CCSER1: variants seen among roughly 807,000 people sequenced by gnomAD.
CCSER1 encodes serine-rich coiled-coil domain-containing protein 1.
Under a neutral mutation model 82.0 loss-of-function variants are expected in CCSER1, and 41 were observed. That is an observed-to-expected ratio of 0.50 (90% CI 0.39 to 0.65). The LOEUF is 0.65. Ranked by LOEUF, CCSER1 falls within the 30% of genes least tolerant of loss-of-function variation. The pLI is 0.00. For synonymous variants in CCSER1, 414 were observed against 383.9 expected (o/e 1.08, Z -0.92); for missense variants, 1,119 against 1,064.2 (o/e 1.05, Z -0.72).
At chr4:90,748,770 C>T in intron 7 of CCSER1, among the ~76,000 whole-genome samples, 1 of 150,146 alleles carries the variant, frequency 6.7e-6, no homozygotes, top group African/African-American at 2.5e-5. Flanking sequence ...TTTTGATGTG[C>T]ATTTCTCTGA....
chr4:90,213,078 G>A (rs1740336320), intron 1 of CCSER1, among the ~76,000 whole-genome samples: 1 of 152,170 alleles, frequency 6.6e-6, no homozygotes, highest in Admixed American at 6.5e-5. Context: ...ATAAGGAAGA[G>A]CAACATGATC....
At chr4:90,362,023 G>A (rs62312907) in intron 3 of CCSER1, among the ~76,000 whole-genome samples, 1 of 152,006 alleles carries the variant, frequency 6.6e-6, no homozygotes, top group Non-Finnish European at 1.5e-5. Flanking sequence ...TACTTTCTAC[G>A]TTAAAAGATT....
At chr4:91,105,639 A>AG (rs1725539142) in intron 10 of CCSER1, among the ~76,000 whole-genome samples, 1 of 151,818 alleles carries the variant, frequency 6.6e-6, no homozygotes, top group African/African-American at 2.4e-5. Context: ...GGGAGGAGGA[A>AG]GTTGCAGTGA....
chr4:91,095,126 GC>G (rs910183019), intron 10 of CCSER1, among the ~76,000 whole-genome samples: 1 of 152,050 alleles, frequency 6.6e-6, no homozygotes, highest in Non-Finnish European at 1.5e-5. Flanking sequence ...TAATGTCCTT[GC>G]CCCCTATTGT....
Position 90,365,220 on chromosome 4 carries a change from A to C in CCSER1, c.1510-34816A>C, listed in dbSNP as rs140938576. On this transcript the variant is annotated intron_variant, in intron 3 of 10. Transcript: ENST00000509176. Reference sequence around the variant, plus strand: ...AGTCTCAGTTGTGTTTAATGTGAAAAATTTAAAGCATAATACATAAGGTTA... The same window carrying C: ...AGTCTCAGTTGTGTTTAATGTGAAACATTTAAAGCATAATACATAAGGTTA... Among the ~76,000 whole-genome samples, 301 of 152,036 alleles carry C rather than the reference A, an allele frequency of 2.0e-3. 1 individual carries two copies. The highest frequency in any genetic ancestry group is 6.8e-3 in the Middle Eastern group (2 of 294).
At chr4:91,002,663 T>C (rs1410521026) in intron 9 of CCSER1, among the ~76,000 whole-genome samples, 1 of 152,216 alleles carries the variant, frequency 6.6e-6, no homozygotes, top group East Asian at 1.9e-4. Context: ...TGTATCTTTT[T>C]TAAAATTTTC....
intron 7 of CCSER1, among the ~76,000 whole-genome samples, chr4:90,745,378 T>C (rs1181937672): frequency 2.6e-5 from 4 of 152,356 alleles, no homozygotes; most frequent in African/African-American, 9.6e-5. Context: ...AGGAAAATTC[T>C]ATTACAAGGT....
intron 10 of CCSER1, among the ~76,000 whole-genome samples, chr4:91,293,747 A>C (rs1743936559): frequency 6.6e-6 from 1 of 152,010 alleles, no homozygotes; most frequent in African/African-American, 2.4e-5. Flanking sequence ...ATTATAAACC[A>C]GAGAATGAGT....
At chr4:90,394,096 C>CT (rs112880001) in intron 3 of CCSER1, among the ~76,000 whole-genome samples, 172 of 133,682 alleles carry the variant, frequency 1.3e-3, no homozygotes, top group African/African-American at 1.6e-3. Flanking sequence ...TTACATCTTA[C>CT]TTTTTTTTTT....
chr4:90,483,471 T>C (rs1215523520), intron 5 of CCSER1, among the ~76,000 whole-genome samples: 1 of 152,226 alleles, frequency 6.6e-6, no homozygotes, highest in Non-Finnish European at 1.5e-5. Context: ...CTAGCCTTGA[T>C]GGTCTTTACA....
intron 5 of CCSER1, among the ~76,000 whole-genome samples, chr4:90,514,288 G>A (rs2153619947): frequency 6.6e-6 from 1 of 152,182 alleles, no homozygotes; most frequent in African/African-American, 2.4e-5. Flanking sequence ...AGTGATTAAA[G>A]ATAAATTTTA....
intron 1 of CCSER1, among the ~76,000 whole-genome samples, chr4:90,257,556 G>GATTAGATAGATAC (rs1553973700): frequency 2.7e-5 from 3 of 109,836 alleles, no homozygotes; most frequent in African/African-American, 8.4e-5. Flanking sequence ...TAGATAGATA[G>GATTAGATAGATAC]ATAGATACAT....
At chr4:90,243,341 C>T (rs868205323) in intron 1 of CCSER1, among the ~76,000 whole-genome samples, 4 of 151,962 alleles carry the variant, frequency 2.6e-5, no homozygotes, top group South Asian at 2.1e-4. Context: ...CTCCGTCTCC[C>T]GGGTTCAAGC....
Position 91,131,519 on chromosome 4 carries a change from G to T in CCSER1, c.2217+45525G>T, listed in dbSNP as rs991870200. ...CAGTATATAATACCTTTGTGATCAG[G>T]AGACACATACTGCATTATTTAATTG... On this transcript the variant is annotated intron_variant, in intron 10 of 10. Coordinates refer to ENST00000509176, the MANE Select transcript of CCSER1 (RefSeq NM_001145065.2). Among the ~76,000 whole-genome samples the T allele has an allele frequency of 1.3e-4, 19 of 151,962 alleles. 1 individual carries two copies. The highest frequency in any genetic ancestry group is 5.3e-4 in the Admixed American group (8 of 15,216).
At chr4:91,171,256 ATG>A (rs1732721788) in intron 10 of CCSER1, among the ~76,000 whole-genome samples, 1 of 152,222 alleles carries the variant, frequency 6.6e-6, no homozygotes, top group South Asian at 2.1e-4. Flanking sequence ...ATAGGGCTGC[ATG>A]TTTCAGCTAT....
intron 10 of CCSER1, among the ~76,000 whole-genome samples, chr4:91,095,178 C>T (rs1724379891): frequency 6.6e-6 from 1 of 152,188 alleles, no homozygotes; most frequent in Non-Finnish European, 1.5e-5. Flanking sequence ...TGAGCCCGGT[C>T]CCCTTCAGTC....
At chr4:90,241,363 C>T (rs963289624) in intron 1 of CCSER1, among the ~76,000 whole-genome samples, 14 of 151,970 alleles carry the variant, frequency 9.2e-5, no homozygotes, top group African/African-American at 2.4e-4. Context: ...AGGTGCATGC[C>T]GGTATCAAAT....
At chr4:90,246,059 C>G (rs1340759903) in intron 1 of CCSER1, among the ~76,000 whole-genome samples, 2 of 152,138 alleles carry the variant, frequency 1.3e-5, no homozygotes, top group Admixed American at 6.5e-5. Flanking sequence ...GGATTACAAG[C>G]CAGTTGATCA....
At chr4:90,745,133 T>C (rs963154639) in intron 7 of CCSER1, among the ~76,000 whole-genome samples, 1 of 152,102 alleles carries the variant, frequency 6.6e-6, no homozygotes, top group Non-Finnish European at 1.5e-5. Context: ...ATCAATATGA[T>C]GGCCTGGTCG....
Sources: allele counts gnomAD v4.1 joint callset (sites outside exome capture counted in the v4.1 genomes callset), GRCh38; gene constraint gnomAD v4.1.1; transcripts MANE v1.5; gene names NCBI Gene and HGNC (gene_info 2026-07-23, HGNC 2026-07-21).